Variants in ERC1 observed in about 807,000 individuals in gnomAD.
The protein encoded by ERC1 is ELKS/RAB6-interacting/CAST family member 1, also known as RAB6 interacting protein 2.
In ERC1, 56 loss-of-function variants were observed where a neutral mutation model predicts 132.0. The observed-to-expected ratio is 0.42, with a 90% CI of 0.34 to 0.53. The LOEUF (loss-of-function observed/expected upper bound fraction) is 0.53, where lower values mean the gene tolerates loss of function less well. Among genes scored for constraint, ERC1 ranks in the 20% least tolerant of loss-of-function variants. The probability of loss-of-function intolerance (pLI) is 0.03; values close to 1 mark genes in which losing one functional copy is unlikely to be tolerated. For synonymous variants in ERC1, 478 were observed against 476.1 expected, an observed-to-expected ratio of 1.00 and a Z score of -0.05; for missense variants, 1,202 against 1,349.9, an observed-to-expected ratio of 0.89 and a Z score of 1.72.
At chr12:1,435,552 G>A (rs929700456) in intron 17 of ERC1, among the ~76,000 whole-genome samples, 3 of 152,082 alleles carry the variant, frequency 2.0e-5, no homozygotes, top group African/African-American at 7.2e-5. Context: ...GCTCTTTTAT[G>A]ATATACAGAA....
At position 1,180,625 on chromosome 12, in the gene ERC1, C is replaced by G; in HGVS notation, c.1823C>G (p.Thr608Ser). 8 of 1,614,016 alleles carry G rather than the reference C, an allele frequency of 5.0e-6. No homozygotes were observed. The highest frequency in any genetic ancestry group is 6.8e-6 in the Non-Finnish European group (8 of 1,180,018). Residue 608 changes from threonine (T) to serine (S), a missense_variant, in exon 9 of 19, where the codon ACC becomes AGC. Coordinates refer to ENST00000360905, the MANE Select transcript of ERC1 (RefSeq NM_178040.4). ...KERVKSLQAD[T>S]TNTDTALTTL... is the part of the protein sequence containing the mutation. The stretch of plus-strand genomic sequence containing the variant: ...CGGGTCAAATCCTTGCAGGCTGACA[C>G]CACCAACACTGACACTGCCTTGACA...
At chr12:1,159,588 C>T (rs1359148474) in intron 8 of ERC1, among the ~76,000 whole-genome samples, 1 of 152,204 alleles carries the variant, frequency 6.6e-6, no homozygotes, top group Non-Finnish European at 1.5e-5. Flanking sequence ...CTTTTTTCTG[C>T]ATGATATTTA....
chr12:1,009,875 TATG>T (rs756935163), intron 1 of ERC1, among the ~76,000 whole-genome samples: 9 of 152,214 alleles, frequency 5.9e-5, no homozygotes, highest in Non-Finnish European at 1.2e-4. Flanking sequence ...TGCAATGTAA[TATG>T]ATATTTTTGT....
intron 12 of ERC1, among the ~76,000 whole-genome samples, chr12:1,210,991 A>C (rs2154290429): frequency 6.6e-6 from 1 of 152,242 alleles, no homozygotes; most frequent in African/African-American, 2.4e-5. Flanking sequence ...TCTCAAAAAA[A>C]AAAAAAAATG....
intron 2 of ERC1, among the ~76,000 whole-genome samples, chr12:1,052,536 C>CA (rs1203557450): frequency 6.6e-6 from 1 of 152,110 alleles, no homozygotes; most frequent in Admixed American, 6.5e-5. Context: ...TAAGCTATAA[C>CA]ACCGAAGAGA....
At chr12:1,276,414 A>G (rs1348766557) in intron 14 of ERC1, among the ~76,000 whole-genome samples, 1 of 150,812 alleles carries the variant, frequency 6.6e-6, no homozygotes, top group Non-Finnish European at 1.5e-5. Flanking sequence ...ATTTTTTGTT[A>G]TTTTTAGTAG....
intron 17 of ERC1, among the ~76,000 whole-genome samples, chr12:1,427,246 G>A (rs1477013198): frequency 6.6e-6 from 1 of 152,204 alleles, no homozygotes; most frequent in African/African-American, 2.4e-5. Context: ...CACATACTGT[G>A]TAAAGCACTG....
chr12:1,374,614 C>T (rs950783181), intron 16 of ERC1, among the ~76,000 whole-genome samples: 12 of 152,278 alleles, frequency 7.9e-5, no homozygotes, highest in South Asian at 2.1e-4. Flanking sequence ...ATGTAAACTC[C>T]GATAGAACCC....
chr12:1,427,030 A>G (rs570899620), intron 17 of ERC1, among the ~76,000 whole-genome samples: 2 of 152,124 alleles, frequency 1.3e-5, no homozygotes, highest in African/African-American at 4.8e-5. Flanking sequence ...CTTTATTCTT[A>G]ACTAGAATTT....
At chr12:1,227,743 G>A (rs1254321547) in intron 12 of ERC1, among the ~76,000 whole-genome samples, 1 of 152,136 alleles carries the variant, frequency 6.6e-6, no homozygotes, top group Non-Finnish European at 1.5e-5. Flanking sequence ...ACATCAGGAA[G>A]TTTTCTTTCC....
chr12:1,115,795 C>T, intron 6 of ERC1, 71 bp from the exon 7 acceptor site: 1 of 1,296,234 alleles, frequency 7.7e-7, no homozygotes, highest in Non-Finnish European at 1.1e-6. Flanking sequence ...TGACTCAGAT[C>T]TGTGAAAGAT....
chr12:1,127,329 A>G (rs1261839382), intron 7 of ERC1, among the ~76,000 whole-genome samples: 1 of 152,164 alleles, frequency 6.6e-6, no homozygotes, highest in East Asian at 1.9e-4. Context: ...AAGGACATGT[A>G]TAAGGATGTT....
intron 8 of ERC1, among the ~76,000 whole-genome samples, chr12:1,149,571 G>C (rs1364824930): frequency 6.6e-6 from 1 of 151,920 alleles, no homozygotes; most frequent in East Asian, 1.9e-4. Context: ...CTAATTTTTT[G>C]TATTTTTTGT....
intron 11 of ERC1, among the ~76,000 whole-genome samples, chr12:1,189,099 G>A (rs1400788148): frequency 2.6e-5 from 4 of 151,844 alleles, no homozygotes; most frequent in African/African-American, 9.7e-5. Context: ...TTCCAATAGA[G>A]ATGGGGCCTT....
intron 12 of ERC1, among the ~76,000 whole-genome samples, chr12:1,208,619 A>G (rs570353771): frequency 1.6e-4 from 25 of 152,206 alleles, no homozygotes; most frequent in African/African-American, 2.9e-4. Flanking sequence ...CCAGAGAAGC[A>G]GAATGTGTGG....
intron 14 of ERC1, among the ~76,000 whole-genome samples, chr12:1,278,555 A>G (rs2078443720): frequency 1.3e-5 from 2 of 152,318 alleles, no homozygotes; most frequent in East Asian, 1.9e-4. Context: ...TTCTTCGTGT[A>G]ATTTTTAGCC....
At chr12:1,160,977 C>T (rs942671263) in intron 8 of ERC1, among the ~76,000 whole-genome samples, 2 of 152,180 alleles carry the variant, frequency 1.3e-5, no homozygotes, top group Admixed American at 1.3e-4. Flanking sequence ...GCGTTCTAAG[C>T]AATGTATGCA....
intron 3 of ERC1, among the ~76,000 whole-genome samples, chr12:1,097,915 A>T (rs563695181): frequency 6.6e-6 from 1 of 152,016 alleles, no homozygotes; most frequent in Non-Finnish European, 1.5e-5. Context: ...GGGTTTTGCC[A>T]TGTTTGCCAG....
At chr12:1,273,315 A>G (rs145777666) in intron 14 of ERC1, among the ~76,000 whole-genome samples, 367 of 152,358 alleles carry the variant, frequency 2.4e-3, no homozygotes, top group African/African-American at 8.0e-3. Context: ...GCAAATACCT[A>G]GAAAACAAAT....
Sources: gnomAD v4.1 joint callset for allele counts (sites outside exome capture counted in the v4.1 genomes callset) on GRCh38, gnomAD v4.1.1 for gene constraint, MANE v1.5 for transcripts, NCBI Gene and HGNC (gene_info 2026-07-23, HGNC 2026-07-21) for gene names.